The following PDE10A variants were observed in gnomAD, a reference collection of about 807,000 sequenced individuals.
PDE10A encodes the protein phosphodiesterase 10A.
PDE10A carries 39 observed loss-of-function variants against 97.7 expected under a neutral mutation model. The ratio of observed to expected loss-of-function variants is 0.40; its 90% confidence interval spans 0.31 to 0.52. PDE10A has a LOEUF of 0.52. Ranked by LOEUF, PDE10A falls within the 20% of genes least tolerant of loss-of-function variation. The pLI is 0.56. For missense variants in PDE10A, 731 were observed against 1,047.8 expected (o/e 0.70, Z 4.17); for synonymous variants, 371 against 376.8 (o/e 0.98, Z 0.18).
rs78915611 is a variant in PDE10A, at chr6:165,671,683, G to A, written c.-614-128115C>T. ...ACATGGATTATAAAACGGATGAAAA[G>A]CAGCTAGATATCACACACACACACA... On this transcript the variant is annotated intron_variant, in intron 1 of 19. Coordinates refer to the PDE10A transcript ENST00000366882. The surrounding 1 kb of genome is among the most constrained non-coding windows in gnomAD (Gnocchi z 4.6). Among the ~76,000 whole-genome samples, 4,428 of 152,156 alleles carry A rather than the reference G, an allele frequency of 0.029. 227 individuals are homozygous for A. Among genetic ancestry groups the A allele is most frequent in the African/African-American group, 0.1 (4,199 of 41,464 alleles).
intron 1 of PDE10A, among the ~76,000 whole-genome samples, chr6:165,810,420 C>A (rs936465701): frequency 6.6e-6 from 1 of 152,150 alleles, no homozygotes; most frequent in East Asian, 1.9e-4. Context: ...CCTGGGTTAC[C>A]CATGCTCTGG....
At chr6:165,422,183 T>C (rs1425810600) in intron 10 of PDE10A, among the ~76,000 whole-genome samples, 1 of 152,168 alleles carries the variant, frequency 6.6e-6, no homozygotes, top group Non-Finnish European at 1.5e-5. Flanking sequence ...GAAAAGGAGT[T>C]AAAAATATCT....
At chr6:165,407,587 G>A (rs1245574354) in intron 13 of PDE10A, among the ~76,000 whole-genome samples, 1 of 152,186 alleles carries the variant, frequency 6.6e-6, no homozygotes, top group African/African-American at 2.4e-5. Flanking sequence ...CTTGGTGGTT[G>A]AATTCTGGAA....
Position 165,330,484 on chromosome 6 carries a change from TA to T in PDE10A, c.*2540del, listed in dbSNP as rs1342569471. On this transcript the variant is annotated 3_prime_UTR_variant, in exon 22 of 22. Transcript: ENST00000539869. Reference sequence around the variant, plus strand: ...CTTTTATTTTAGGTAAATCTGTGATTACTAAGTAAATCTTACACATGGTAAA... The same window carrying T: ...CTTTTATTTTAGGTAAATCTGTGATTCTAAGTAAATCTTACACATGGTAAA... The T allele has an allele frequency of 6.6e-6, 1 of 152,212 alleles. No individual in the cohort carries two copies. Among genetic ancestry groups the T allele is most frequent in the Non-Finnish European group, 1.5e-5 (1 of 68,032 alleles). 9.4% of individuals were successfully genotyped at this position (152,212 alleles called of 1,614,324 possible).
At chr6:165,340,553 G>GT (rs1182920539) in intron 19 of PDE10A, among the ~76,000 whole-genome samples, 1 of 152,232 alleles carries the variant, frequency 6.6e-6, no homozygotes. Context: ...GACATACTAA[G>GT]TCCCTTGCTC....
At chr6:165,934,890 C>CT (rs1234411197) in intron 1 of PDE10A, among the ~76,000 whole-genome samples, 1 of 152,192 alleles carries the variant, frequency 6.6e-6, no homozygotes, top group Non-Finnish European at 1.5e-5. Flanking sequence ...CAACTGTCAA[C>CT]TGTAAGGTCG....
At chr6:165,826,163 A>G (rs1253670073) in intron 1 of PDE10A, among the ~76,000 whole-genome samples, 4 of 152,154 alleles carry the variant, frequency 2.6e-5, no homozygotes, top group Non-Finnish European at 4.4e-5. Flanking sequence ...CACAGAGTTG[A>G]CACAATGTCC....
intron 1 of PDE10A, among the ~76,000 whole-genome samples, chr6:165,793,352 C>A: frequency 6.6e-6 from 1 of 151,780 alleles, no homozygotes; most frequent in African/African-American, 2.4e-5. Context: ...TTACAGATTC[C>A]AAAATCCTGT....
At chr6:165,907,243 C>T (rs906619161) in intron 1 of PDE10A, among the ~76,000 whole-genome samples, 1 of 152,210 alleles carries the variant, frequency 6.6e-6, no homozygotes, top group African/African-American at 2.4e-5. Flanking sequence ...GCCGTGGTTG[C>T]AGGATTCACT....
intron 1 of PDE10A, among the ~76,000 whole-genome samples, chr6:165,904,145 C>T (rs1450092235): frequency 6.6e-6 from 1 of 152,032 alleles, no homozygotes. Flanking sequence ...ATTTTTAATG[C>T]TGAAGGGAAT....
chr6:165,627,931 C>G (rs757425035), intron 1 of PDE10A, among the ~76,000 whole-genome samples: 1 of 152,206 alleles, frequency 6.6e-6, no homozygotes, highest in Non-Finnish European at 1.5e-5. Flanking sequence ...GCAAAGTTGC[C>G]TCTGTCTTGC....
At chr6:165,488,225 C>T (rs1780029722) in intron 2 of PDE10A, among the ~76,000 whole-genome samples, 1 of 152,002 alleles carries the variant, frequency 6.6e-6, no homozygotes, top group Non-Finnish European at 1.5e-5. Context: ...GAAATAATTT[C>T]AGAAAATAAA....
intron 1 of PDE10A, among the ~76,000 whole-genome samples, chr6:165,755,548 A>G (rs1171285382): frequency 6.6e-6 from 1 of 152,186 alleles, no homozygotes; most frequent in Non-Finnish European, 1.5e-5. Context: ...TTATTATCAA[A>G]TAAGCGTCAA....
chr6:165,348,662 G>T (rs1277827663), intron 18 of PDE10A, among the ~76,000 whole-genome samples: 1 of 152,132 alleles, frequency 6.6e-6, no homozygotes, highest in African/African-American at 2.4e-5. Flanking sequence ...TCATAAGCTA[G>T]AATTAAACTG....
rs539516277 is a variant in PDE10A, at chr6:165,381,060, A to G, written c.2611-1694T>C. Among the ~76,000 whole-genome samples the G allele has an allele frequency of 9.6e-4, 147 of 152,376 alleles. No individual in the cohort carries two copies. In the Middle Eastern group the frequency reaches 0.01, roughly 11 times the overall value. On this transcript the variant is annotated intron_variant, in intron 17 of 21. Coordinates refer to ENST00000539869, the MANE Select transcript of PDE10A (RefSeq NM_001385079.1). ...ATGCTTTACTCTCTTTATCACCAATAATTATCACCATAACCTGTTAAATTA... is the reference window on the plus strand; with the variant it reads ...ATGCTTTACTCTCTTTATCACCAATGATTATCACCATAACCTGTTAAATTA...
chr6:165,828,000 C>T (rs1779808104), intron 1 of PDE10A, among the ~76,000 whole-genome samples: 1 of 152,202 alleles, frequency 6.6e-6, no homozygotes, highest in Non-Finnish European at 1.5e-5. Context: ...GCTGGCCCCA[C>T]AGAATCTGTT....
chr6:165,374,414 T>C (rs982114897), intron 18 of PDE10A, among the ~76,000 whole-genome samples: 3 of 151,872 alleles, frequency 2.0e-5, no homozygotes, highest in African/African-American at 7.2e-5. Flanking sequence ...GTGTAATATA[T>C]AACAGAAAAT....
chr6:165,377,249 T>C (rs1784662441), intron 18 of PDE10A, among the ~76,000 whole-genome samples: 1 of 152,116 alleles, frequency 6.6e-6, no homozygotes, highest in Admixed American at 6.6e-5. Flanking sequence ...TGCTTGAACA[T>C]ACTGTATGCA....
In PDE10A at chr6:165,670,325, G is replaced by A. The variant is rs893412460; in HGVS notation, c.-614-126757C>T. Among the ~76,000 whole-genome samples, 4 of 152,078 alleles carry A rather than the reference G, an allele frequency of 2.6e-5. No homozygotes were observed. In the South Asian group the frequency reaches 6.2e-4, roughly 24 times the overall value. On this transcript the variant is annotated intron_variant, in intron 1 of 19. Coordinates refer to the PDE10A transcript ENST00000366882. ...CTCTTAACACGAGTCACAAAGAAAC[G>A]CATTTCAGCAAAATACAGGAAACAA... is the stretch of plus-strand genomic sequence containing the variant.
Sources: allele counts gnomAD v4.1 joint callset (sites outside exome capture counted in the v4.1 genomes callset), GRCh38; gene constraint gnomAD v4.1.1; non-coding constraint Gnocchi (gnomAD v3.1); transcripts MANE v1.5; gene names NCBI Gene and HGNC (gene_info 2026-07-23, HGNC 2026-07-21).